The following NINJ2 variants were observed in gnomAD, a reference collection of about 807,000 sequenced individuals.
NINJ2 encodes ninjurin 2, also known as ninjurin-2.
NINJ2 carries 12 observed loss-of-function variants against 11.7 expected under a neutral mutation model. The ratio of observed to expected loss-of-function variants is 1.02; its 90% confidence interval spans 0.66 to 1.66. NINJ2 has a LOEUF of 1.66. Ranked by LOEUF, NINJ2 falls within the 40% of genes most tolerant of loss-of-function variation. NINJ2 has a pLI of 0.00. For synonymous variants in NINJ2, 93 were observed against 76.8 expected, an observed-to-expected ratio of 1.21 and a Z score of -1.10; for missense variants, 187 against 181.8, an observed-to-expected ratio of 1.03 and a Z score of -0.16.
In NINJ2 at chr12:614,701, A is replaced by C. The variant is rs1440827995; in HGVS notation, c.34-48523T>G. Among the ~76,000 whole-genome samples, 1 of 151,704 alleles carries C rather than the reference A, an allele frequency of 6.6e-6. No individual in the cohort carries two copies. The highest frequency in any genetic ancestry group is 1.5e-5 in the Non-Finnish European group (1 of 67,924). The stretch of plus-strand genomic sequence containing the variant: ...TAGTTAGCTCATTTTTTTTTCCTCC[A>C]AAGAAGGGAACAAAGGCTTGACACC... On this transcript the variant is annotated intron_variant, in intron 1 of 3. Coordinates refer to ENST00000305108, the MANE Select transcript of NINJ2 (RefSeq NM_016533.6). The surrounding 1 kb of genome is among the most constrained non-coding windows in gnomAD (Gnocchi z 5.1).
At chr12:647,114 C>T (rs1937697171) in intron 1 of NINJ2, among the ~76,000 whole-genome samples, 1 of 152,174 alleles carries the variant, frequency 6.6e-6, no homozygotes, top group African/African-American at 2.4e-5. Flanking sequence ...CCAGGCCCCT[C>T]TGTTCCTTCT....
chr12:578,246 G>A (rs1198144293), intron 1 of NINJ2, among the ~76,000 whole-genome samples: 2 of 152,112 alleles, frequency 1.3e-5, no homozygotes, highest in African/African-American at 4.8e-5. Context: ...TTGCTCACTC[G>A]GGGAGCTCGG....
intron 1 of NINJ2, among the ~76,000 whole-genome samples, chr12:626,179 G>A (rs1053859574): frequency 6.6e-6 from 1 of 152,214 alleles, no homozygotes; most frequent in Non-Finnish European, 1.5e-5. Context: ...GACCTCACTG[G>A]TCCTGGCAAG....
At chr12:623,221 CAG>C (rs979890117) in intron 1 of NINJ2, among the ~76,000 whole-genome samples, 2 of 152,196 alleles carry the variant, frequency 1.3e-5, no homozygotes, top group Non-Finnish European at 2.9e-5. Flanking sequence ...TCCCTCCTGA[CAG>C]TGACAGTTTT....
rs1948071922 is a variant in NINJ2 at position 614,744 on chromosome 12, T to C, written c.34-48566A>G. On this transcript the variant is annotated intron_variant, in intron 1 of 3. Coordinates refer to ENST00000305108, the MANE Select transcript of NINJ2 (RefSeq NM_016533.6). The surrounding 1 kb of genome is among the most constrained non-coding windows in gnomAD (Gnocchi z 5.1). ...TTGACACCTCAGGGCTCGGCCTGCC[T>C]GTTTTTTGAGCTGTGTTTGCACCCA... Among the ~76,000 whole-genome samples, 1 of 152,200 alleles carries C rather than the reference T, an allele frequency of 6.6e-6. No individual in the cohort carries two copies.
At chr12:644,774 A>G (rs2120506848) in intron 1 of NINJ2, 2 of 152,370 alleles carry the variant, frequency 1.3e-5, no homozygotes, top group Non-Finnish European at 2.9e-5. Flanking sequence ...CAAAAATTTT[A>G]CATGATAGAA....
At chr12:620,473 C>T (rs1398532889) in intron 1 of NINJ2, among the ~76,000 whole-genome samples, 2 of 152,224 alleles carry the variant, frequency 1.3e-5, no homozygotes, top group East Asian at 3.8e-4. Context: ...TTGTCAAATG[C>T]ACAGAGGTGC....
intron 1 of NINJ2, among the ~76,000 whole-genome samples, chr12:572,593 T>G (rs1284586588): frequency 1.3e-5 from 2 of 152,236 alleles, no homozygotes; most frequent in South Asian, 2.1e-4. Flanking sequence ...CCTGTCACAC[T>G]GTGTGCACAC....
intron 1 of NINJ2, among the ~76,000 whole-genome samples, chr12:597,331 G>A (rs911926946): frequency 1.1e-4 from 16 of 152,302 alleles, no homozygotes; most frequent in African/African-American, 2.9e-4. Flanking sequence ...GGGTTACTGC[G>A]TGTAAAGTAC....
intron 1 of NINJ2, among the ~76,000 whole-genome samples, chr12:615,255 A>T (rs1484362598): frequency 1.3e-5 from 2 of 152,202 alleles, no homozygotes; most frequent in East Asian, 3.8e-4. Context: ...TGATTTTTTT[A>T]AATGACTGAC....
At chr12:610,295 C>G in intron 1 of NINJ2, 1 of 1,476,798 alleles carries the variant, frequency 6.8e-7, no homozygotes, top group Non-Finnish European at 9.1e-7. Flanking sequence ...CCCCAGTGCC[C>G]AGCACCCAGT....
At chr12:576,233 G>A (rs905074207) in intron 1 of NINJ2, among the ~76,000 whole-genome samples, 4 of 152,158 alleles carry the variant, frequency 2.6e-5, no homozygotes, top group Non-Finnish European at 5.9e-5. Flanking sequence ...GAGGCCACGT[G>A]GGGCGAGGCC....
chr12:641,377 T>C (rs1948414603), intron 1 of NINJ2, among the ~76,000 whole-genome samples: 1 of 148,004 alleles, frequency 6.8e-6, no homozygotes, highest in African/African-American at 2.5e-5. Flanking sequence ...TGCAGGTGGG[T>C]TCCAGTTGGA....
intron 1 of NINJ2, among the ~76,000 whole-genome samples, chr12:660,206 T>C (rs912905402): frequency 6.7e-6 from 1 of 149,642 alleles, no homozygotes; most frequent in African/African-American, 2.5e-5. Flanking sequence ...GAGGATAACT[T>C]GGGCCCAGGA....
intron 1 of NINJ2, among the ~76,000 whole-genome samples, chr12:654,752 C>T (rs1178464473): frequency 2.0e-5 from 3 of 151,496 alleles, no homozygotes; most frequent in African/African-American, 4.8e-5. Context: ...ATTAGTCGGG[C>T]GTGGTGACAC....
chr12:636,615 G>C (rs1205113005), intron 1 of NINJ2, among the ~76,000 whole-genome samples: 1 of 151,796 alleles, frequency 6.6e-6, no homozygotes, highest in Non-Finnish European at 1.5e-5. Flanking sequence ...TGGCCAACAA[G>C]CTTCATGAAA....
chr12:632,237 G>GAGGCAC (rs1948293159), intron 1 of NINJ2: 1 of 152,238 alleles, frequency 6.6e-6, no homozygotes, highest in Admixed American at 6.5e-5. Flanking sequence ...CAGGGTGTCT[G>GAGGCAC]AGGCACGCTG....
At chr12:617,704 G>A (rs1225683601) in intron 1 of NINJ2, among the ~76,000 whole-genome samples, 1 of 152,130 alleles carries the variant, frequency 6.6e-6, no homozygotes, top group South Asian at 2.1e-4. Flanking sequence ...TGTGCTCTGC[G>A]CTCACTCCCC....
At chr12:629,896 A>AAAAAAATATAT in intron 1 of NINJ2, among the ~76,000 whole-genome samples, 5 of 9,896 alleles carry the variant, frequency 5.1e-4, no homozygotes, top group Non-Finnish European at 1.4e-3. Context: ...AAAAAAAAAA[A>AAAAAAATATAT]ATATATATAT....
Sources: gnomAD v4.1 joint callset for allele counts (sites outside exome capture counted in the v4.1 genomes callset) on GRCh38, gnomAD v4.1.1 for gene constraint, Gnocchi (gnomAD v3.1) non-coding constraint, MANE v1.5 for transcripts, NCBI Gene and HGNC (gene_info 2026-07-23, HGNC 2026-07-21) for gene names.